The following LYN variants were observed in gnomAD, a reference collection of about 807,000 sequenced individuals.
LYN encodes the protein LYN proto-oncogene, Src family tyrosine kinase.
Under a neutral mutation model 65.0 loss-of-function variants are expected in LYN, and 12 were observed. The observed-to-expected ratio is 0.18, with a 90% CI of 0.12 to 0.30. The LOEUF (loss-of-function observed/expected upper bound fraction) is 0.30. LYN is among the 10% of genes least tolerant of loss of function. LYN has a pLI of 1.00. For missense variants in LYN, 380 were observed against 623.2 expected (o/e 0.61, Z 4.16); for synonymous variants, 222 against 221.2 (o/e 1.00, Z -0.03).
chr8:56,008,913 A>G (rs1808744203), intron 12 of LYN, among the ~76,000 whole-genome samples: 1 of 152,236 alleles, frequency 6.6e-6, no homozygotes, highest in African/African-American at 2.4e-5. Flanking sequence ...AAAGACAGTG[A>G]CATCCACAAG....
intron 12 of LYN, 94 bp downstream of exon 12, chr8:55,999,643 C>A: frequency 1.6e-6 from 2 of 1,242,040 alleles, no homozygotes; most frequent in Non-Finnish European, 2.3e-6. Context: ...ACTTCATCTA[C>A]CCGATAGCAA....
At chr8:55,961,721 G>T (rs1469871557) in intron 8 of LYN, among the ~76,000 whole-genome samples, 1 of 151,926 alleles carries the variant, frequency 6.6e-6, no homozygotes, top group Non-Finnish European at 1.5e-5. Context: ...AAATGGTTTT[G>T]TTTCTTTAAC....
intron 10 of LYN, among the ~76,000 whole-genome samples, chr8:55,989,819 TAGG>T (rs1424577339): frequency 6.6e-6 from 1 of 152,134 alleles, no homozygotes; most frequent in Non-Finnish European, 1.5e-5. Context: ...TTACACATTT[TAGG>T]GAGACAGAAG....
intron 1 of LYN, among the ~76,000 whole-genome samples, chr8:55,913,796 A>G (rs1359224266): frequency 6.6e-6 from 1 of 152,178 alleles, no homozygotes; most frequent in East Asian, 1.9e-4. Flanking sequence ...GATTTGAAAC[A>G]TGAAGGAGGC....
At chr8:56,005,038 C>T (rs528212161) in intron 12 of LYN, among the ~76,000 whole-genome samples, 1 of 152,164 alleles carries the variant, frequency 6.6e-6, no homozygotes, top group Non-Finnish European at 1.5e-5. Flanking sequence ...CCCTCCTCAA[C>T]CTCCCAAAGT....
intron 3 of LYN, among the ~76,000 whole-genome samples, chr8:55,947,030 C>A (rs567093808): frequency 6.6e-6 from 1 of 152,166 alleles, no homozygotes; most frequent in Admixed American, 6.5e-5. Flanking sequence ...GGTAGATCAC[C>A]TGTGGTCAGG....
chr8:55,908,261 T>TTATG (rs1360743051), intron 1 of LYN, among the ~76,000 whole-genome samples: 1 of 150,872 alleles, frequency 6.6e-6, no homozygotes, highest in Non-Finnish European at 1.5e-5. Flanking sequence ...ATTTATTTAT[T>TTATG]TGAGACAGAG....
intron 10 of LYN, among the ~76,000 whole-genome samples, chr8:55,997,971 C>T (rs1393175218): frequency 6.6e-6 from 1 of 152,166 alleles, no homozygotes; most frequent in Non-Finnish European, 1.5e-5. Flanking sequence ...GTAGTCCCAG[C>T]TACTCGGGAG....
In LYN at chr8:55,929,410, T is replaced by TC. The variant is rs1806198360; in HGVS notation, c.-5-12445_-5-12444insC. Among the ~76,000 whole-genome samples the TC allele has an allele frequency of 2.0e-5, 3 of 152,368 alleles. 1 individual carries two copies. The South Asian group carries it at 6.2e-4, about 32-fold the overall frequency. On this transcript the variant is annotated intron_variant, in intron 1 of 12. Coordinates refer to ENST00000519728, the MANE Select transcript of LYN (RefSeq NM_002350.4). ...GCTACCAGATCTGTGTATGTGTCTT[T>TC]GTGTCTGTCTGTGTGTGTACAGGCA...
At chr8:55,909,974 TG>T (rs1318467707) in intron 1 of LYN, among the ~76,000 whole-genome samples, 1 of 15,232 alleles carries the variant, frequency 6.6e-5, no homozygotes, top group African/African-American at 2.3e-4. Flanking sequence ...TGGGGTTGTT[TG>T]TGTGTGTGTG....
intron 1 of LYN, among the ~76,000 whole-genome samples, chr8:55,898,146 T>TC (rs1000054242): frequency 5.3e-5 from 8 of 152,130 alleles, no homozygotes; most frequent in Non-Finnish European, 1.0e-4. Context: ...AAAAAAACTT[T>TC]CTTGTGCCAC....
chr8:55,879,990 C>A lies in LYN; in HGVS notation c.-119C>A. 3.6e-6 allele frequency: 1 copy of A among 281,468 alleles called. No individual in the cohort carries two copies. The highest frequency in any genetic ancestry group is 2.9e-5 in the South Asian group (1 of 34,046). 17.4% of individuals were successfully genotyped at this position (281,468 alleles called of 1,614,324 possible). A position where few individuals can be genotyped will look rare whatever the true frequency, so the allele number is the denominator to read the frequency against. On this transcript the variant is annotated 5_prime_UTR_variant, in exon 1 of 13. Transcript: ENST00000519728. ...AGCCCCTCGCCGCGCGTCCAGCGTT[C>A]CCGGCCAGCAGCCTCCCCATACGCA...
At chr8:55,911,194 C>CGT (rs1429703171) in intron 1 of LYN, among the ~76,000 whole-genome samples, 12 of 15,968 alleles carry the variant, frequency 7.5e-4, no homozygotes, top group Admixed American at 1.9e-3. Context: ...TATATACACA[C>CGT]ACACATATAT....
At chr8:55,906,087 G>A (rs1015003124) in intron 1 of LYN, among the ~76,000 whole-genome samples, 6 of 152,216 alleles carry the variant, frequency 3.9e-5, no homozygotes, top group Admixed American at 3.9e-4. Flanking sequence ...CACCTGTTAA[G>A]TCAGAGGGCT....
intron 10 of LYN, among the ~76,000 whole-genome samples, chr8:55,994,125 C>T (rs1808313986): frequency 6.6e-6 from 1 of 151,984 alleles, no homozygotes; most frequent in Admixed American, 6.6e-5. Context: ...CCACCTTCAA[C>T]AACAACAAAT....
At chr8:55,891,265 T>G (rs1804954006) in intron 1 of LYN, among the ~76,000 whole-genome samples, 1 of 149,948 alleles carries the variant, frequency 6.7e-6, no homozygotes, top group Non-Finnish European at 1.5e-5. Flanking sequence ...GGCAGAAGAA[T>G]CACTTGAACC....
At chr8:55,923,206 C>T (rs539417842) in intron 1 of LYN, among the ~76,000 whole-genome samples, 150 of 152,198 alleles carry the variant, frequency 9.9e-4, no homozygotes, top group African/African-American at 3.3e-3. Context: ...TTTTTTGAAA[C>T]GAATTGGGGG....
At chr8:55,920,786 A>AC (rs1400998124) in intron 1 of LYN, among the ~76,000 whole-genome samples, 4 of 22,540 alleles carry the variant, frequency 1.8e-4, no homozygotes, top group East Asian at 1.8e-3. Context: ...CTTCCCCACC[A>AC]CCCCCCCACC....
chr8:55,932,756 G>A (rs573568002), intron 1 of LYN, among the ~76,000 whole-genome samples: 10 of 152,178 alleles, frequency 6.6e-5, no homozygotes, highest in Admixed American at 2.6e-4. Context: ...TATTATACTC[G>A]CATTTATATA....
Sources: allele counts gnomAD v4.1 joint callset (sites outside exome capture counted in the v4.1 genomes callset), GRCh38; gene constraint gnomAD v4.1.1; transcripts MANE v1.5; gene names NCBI Gene and HGNC (gene_info 2026-07-23, HGNC 2026-07-21).